CCDC102B: variants seen among roughly 807,000 people sequenced by gnomAD.
CCDC102B encodes the protein coiled-coil domain containing 102B.
CCDC102B carries 75 observed loss-of-function variants against 57.4 expected under a neutral mutation model. The observed-to-expected ratio is 1.31, with a 90% CI of 1.08 to 1.58. The LOEUF is 1.58. CCDC102B is among the 40% of genes most tolerant of loss of function. CCDC102B has a pLI of 0.00. For missense variants in CCDC102B, 636 were observed against 582.6 expected (o/e 1.09, Z -0.94); for synonymous variants, 206 against 201.9 (o/e 1.02, Z -0.17).
At chr18:68,726,374 A>C (rs1335073113) in intron 2 of CCDC102B, among the ~76,000 whole-genome samples, 1 of 152,206 alleles carries the variant, frequency 6.6e-6, no homozygotes, top group East Asian at 1.9e-4. Context: ...TACCGCCTTA[A>C]TTAAGGAAAT....
intron 2 of CCDC102B, among the ~76,000 whole-genome samples, chr18:68,790,645 C>T (rs902303794): frequency 3.3e-5 from 5 of 152,218 alleles, no homozygotes; most frequent in Non-Finnish European, 5.9e-5. Flanking sequence ...CTCCCTGACC[C>T]CTTGCGCTTC....
chr18:69,008,248 A>T (rs1214111929), intron 6 of CCDC102B, among the ~76,000 whole-genome samples: 1 of 152,208 alleles, frequency 6.6e-6, no homozygotes, highest in Non-Finnish European at 1.5e-5. Context: ...GACATTTGAA[A>T]ATTGTATTCT....
chr18:68,855,525 T>A (rs1473250179), intron 4 of CCDC102B, among the ~76,000 whole-genome samples: 1 of 152,228 alleles, frequency 6.6e-6, no homozygotes, highest in East Asian at 1.9e-4. Flanking sequence ...AAGTGGCTTT[T>A]AATATATTTA....
At chr18:68,745,287 A>G (rs1048063894) in intron 2 of CCDC102B, among the ~76,000 whole-genome samples, 5 of 151,708 alleles carry the variant, frequency 3.3e-5, no homozygotes, top group Non-Finnish European at 7.4e-5. Context: ...GGCCTGGCTC[A>G]CGTAGGGCAA....
intron 6 of CCDC102B, among the ~76,000 whole-genome samples, chr18:68,925,042 A>T (rs2145121382): frequency 6.6e-6 from 1 of 152,150 alleles, no homozygotes; most frequent in Admixed American, 6.6e-5. Flanking sequence ...ACTGCTATGC[A>T]CTAAGGCACT....
At chr18:68,877,985 A>T (rs2144943703) in intron 5 of CCDC102B, among the ~76,000 whole-genome samples, 1 of 152,346 alleles carries the variant, frequency 6.6e-6, no homozygotes, top group African/African-American at 2.4e-5. Context: ...CAAAAAAGAG[A>T]GCCTTCTATT....
intron 2 of CCDC102B, among the ~76,000 whole-genome samples, chr18:68,789,324 C>G (rs1391020971): frequency 6.6e-6 from 1 of 151,934 alleles, no homozygotes; most frequent in African/African-American, 2.4e-5. Context: ...TTGCTCTTCT[C>G]GAGGAGTATC....
At chr18:68,859,061 C>T (rs1456148513) in intron 4 of CCDC102B, 1 of 152,092 alleles carries the variant, frequency 6.6e-6, no homozygotes, top group Non-Finnish European at 1.5e-5. Flanking sequence ...TACTACAAGG[C>T]TACAGTAACC....
chr18:68,957,914 A>C (rs2049944858), intron 6 of CCDC102B, among the ~76,000 whole-genome samples: 1 of 152,024 alleles, frequency 6.6e-6, no homozygotes, highest in African/African-American at 2.4e-5. Context: ...TATTTTCACT[A>C]TTGGCATGTA....
intron 4 of CCDC102B, among the ~76,000 whole-genome samples, chr18:68,848,279 C>T (rs1173206275): frequency 2.0e-5 from 3 of 151,896 alleles, no homozygotes; most frequent in Admixed American, 6.6e-5. Context: ...CTTTCTTACT[C>T]CCTTTTTCCT....
intron 1 of CCDC102B, among the ~76,000 whole-genome samples, chr18:68,805,685 GT>G (rs1000652223): frequency 3.3e-5 from 5 of 152,150 alleles, no homozygotes; most frequent in African/African-American, 1.2e-4. Flanking sequence ...AGAAATGCTA[GT>G]ATGGTAATGG....
At chr18:68,759,002 C>G (rs1408737235) in intron 2 of CCDC102B, among the ~76,000 whole-genome samples, 4 of 147,742 alleles carry the variant, frequency 2.7e-5, no homozygotes, top group African/African-American at 1.0e-4. Flanking sequence ...AGAATGCCAC[C>G]CCTACCTAAA....
intron 7 of CCDC102B, among the ~76,000 whole-genome samples, chr18:69,048,695 T>G (rs2145491934): frequency 6.6e-6 from 1 of 152,066 alleles, no homozygotes; most frequent in South Asian, 2.1e-4. Context: ...AGAATAGCAT[T>G]TCTCCATCAG....
chr18:68,933,183 T>A (rs1052812528), intron 6 of CCDC102B, among the ~76,000 whole-genome samples: 3 of 152,002 alleles, frequency 2.0e-5, no homozygotes, highest in Middle Eastern at 3.4e-3. Flanking sequence ...GGACCCAACA[T>A]TTGTTAGTGG....
chr18:68,730,037 G>A lies in CCDC102B; in HGVS notation c.-67+13443G>A, dbSNP rs539337773. Among the ~76,000 whole-genome samples the A allele has an allele frequency of 2.8e-4, 43 of 152,206 alleles. No homozygotes were observed. In the East Asian group the frequency reaches 4.1e-3, roughly 14 times the overall value. On this transcript the variant is annotated intron_variant, in intron 2 of 3. Coordinates refer to the CCDC102B transcript ENST00000578970. ...AAATTCAAAATAAGACCTCATTGAC[G>A]TACCATTGACTTTCATTTTGTGTGT...
intron 1 of CCDC102B, among the ~76,000 whole-genome samples, chr18:68,798,845 C>A (rs1256027803): frequency 2.0e-5 from 3 of 151,842 alleles, no homozygotes; most frequent in Non-Finnish European, 4.4e-5. Context: ...CTCTGGAAAC[C>A]TTTGGGAAGC....
chr18:68,860,457 A>AAAAAC (rs1555715278), intron 4 of CCDC102B, among the ~76,000 whole-genome samples: 2 of 103,660 alleles, frequency 1.9e-5, no homozygotes, highest in African/African-American at 3.1e-5. Context: ...TATAATTAAA[A>AAAAAC]AAAAACAAAA....
chr18:68,846,491 T>C (rs1433053076), intron 4 of CCDC102B, 70 bp downstream of exon 4: 2 of 1,013,646 alleles, frequency 2.0e-6, no homozygotes, highest in Admixed American at 5.7e-5. Flanking sequence ...TGTAAGCATG[T>C]GGGCAGAAAG....
chr18:68,820,981 A>G (rs1175071012), intron 1 of CCDC102B, among the ~76,000 whole-genome samples: 5 of 152,198 alleles, frequency 3.3e-5, no homozygotes, highest in Admixed American at 2.6e-4. Context: ...AGAGTCAGAA[A>G]TAGACTGCCT....
Sources: allele counts gnomAD v4.1 joint callset (sites outside exome capture counted in the v4.1 genomes callset), GRCh38; gene constraint gnomAD v4.1.1; transcripts MANE v1.5; gene names NCBI Gene and HGNC (gene_info 2026-07-23, HGNC 2026-07-21).